The following SNX13 variants were observed in gnomAD, a reference collection of about 807,000 sequenced individuals.
SNX13 encodes the protein sorting nexin-13.
Under a neutral mutation model 133.6 loss-of-function variants are expected in SNX13, and 45 were observed. That is an observed-to-expected ratio of 0.34 (90% CI 0.27 to 0.43). The LOEUF (loss-of-function observed/expected upper bound fraction) is 0.43, where lower values mean the gene tolerates loss of function less well. Among genes scored for constraint, SNX13 ranks in the 20% least tolerant of loss-of-function variants. The pLI, the probability that SNX13 is intolerant of heterozygous loss-of-function variation, is 1.00. For missense variants in SNX13, 1,032 were observed against 1,145.1 expected (o/e 0.90, Z 1.43); for synonymous variants, 414 against 373.9 (o/e 1.11, Z -1.24).
In SNX13 at chr7:17,790,811, A is replaced by C. The variant is rs1386555949; in HGVS notation, c.*3234T>G. ...TTCTAATGGACAGAACACAAACCAAATAAATTTTTTAATCCTTTTAGTTGA... is the reference window on the plus strand; with the variant it reads ...TTCTAATGGACAGAACACAAACCAACTAAATTTTTTAATCCTTTTAGTTGA... On this transcript the variant is annotated 3_prime_UTR_variant, in exon 26 of 26. Transcript: ENST00000428135. 6.6e-6 allele frequency: 1 copy of C among 152,118 alleles called. No homozygotes were observed. The highest frequency in any genetic ancestry group is 1.5e-5 in the Non-Finnish European group (1 of 67,930). The allele number at this position is 152,118 out of a possible 1,614,324, so 9.4% of individuals were successfully genotyped here. A position where few individuals can be genotyped will look rare whatever the true frequency, so the allele number is the denominator to read the frequency against.
In SNX13 at chr7:17,860,271, T is replaced by C. The variant is rs1444799470; in HGVS notation, c.837+8136A>G. On this transcript the variant is annotated intron_variant, in intron 9 of 25. Coordinates refer to ENST00000428135, the MANE Select transcript of SNX13 (RefSeq NM_015132.5). ...GATGTTGCACATCTTTTCATATTAC[T>C]GTTGGCCATCTGTATAACTTCTGTG... 3.3e-5 allele frequency among the ~76,000 whole-genome samples: 5 copies of C among 152,368 alleles called. No individual in the cohort carries two copies. The South Asian group carries it at 1.0e-3, about 32-fold the overall frequency.
chr7:17,842,431 T>G (rs1360068288), intron 12 of SNX13, among the ~76,000 whole-genome samples: 3 of 151,966 alleles, frequency 2.0e-5, no homozygotes, highest in Non-Finnish European at 4.4e-5. Flanking sequence ...CATCTTACCA[T>G]AAGACCTGCC....
chr7:17,827,717 G>A (rs535055547), intron 16 of SNX13, among the ~76,000 whole-genome samples: 9 of 151,790 alleles, frequency 5.9e-5, no homozygotes, highest in Non-Finnish European at 1.2e-4. Context: ...GTAAAATGGG[G>A]CTAATACCTG....
Position 17,912,536 on chromosome 7 carries a change from G to A in SNX13, c.13-15090C>T, listed in dbSNP as rs12534750. Among the ~76,000 whole-genome samples the A allele has an allele frequency of 5.8e-3, 883 of 151,978 alleles. 1 individual carries two copies. Among genetic ancestry groups the A allele is most frequent in the Non-Finnish European group, 9.7e-3 (659 of 67,970 alleles). Reference sequence around the variant, plus strand: ...AGTGATTCTCCTGCCTCAGCCTCCTGAGTAGCTGGGATTACAGGCGCCCAC... The same window carrying A: ...AGTGATTCTCCTGCCTCAGCCTCCTAAGTAGCTGGGATTACAGGCGCCCAC... On this transcript the variant is annotated intron_variant, in intron 1 of 25. Transcript: ENST00000428135.
chr7:17,805,254 T>TGCGCACGCGCGCGC (rs1785124589), intron 20 of SNX13, among the ~76,000 whole-genome samples: 1 of 132,440 alleles, frequency 7.6e-6, no homozygotes, highest in Non-Finnish European at 1.6e-5. Flanking sequence ...TGTGTGTGCG[T>TGCGCACGCGCGCGC]GCGCGCGCGC....
At chr7:17,886,396 C>T (rs1010089743) in intron 5 of SNX13, among the ~76,000 whole-genome samples, 1 of 151,964 alleles carries the variant, frequency 6.6e-6, no homozygotes, top group Non-Finnish European at 1.5e-5. Context: ...GGTGAAACCC[C>T]GTCTCTACTA....
intron 9 of SNX13, among the ~76,000 whole-genome samples, chr7:17,864,344 C>A (rs1793100422): frequency 6.6e-6 from 1 of 152,002 alleles, no homozygotes; most frequent in Non-Finnish European, 1.5e-5. Flanking sequence ...AAATAATAAA[C>A]AAACTCTAGA....
At chr7:17,832,648 C>G (rs1381023685) in intron 15 of SNX13, 2 of 219,234 alleles carry the variant, frequency 9.1e-6, no homozygotes, top group African/African-American at 2.4e-5. Context: ...ATATATAGAA[C>G]AAACTAGAGG....
intron 6 of SNX13, 38 bp downstream of exon 6, chr7:17,875,631 T>C: frequency 6.2e-7 from 1 of 1,606,694 alleles, no homozygotes. Context: ...GAAAACAGAT[T>C]TTCAAATCCT....
At chr7:17,927,123 C>G (rs988013194) in intron 1 of SNX13, among the ~76,000 whole-genome samples, 1 of 151,360 alleles carries the variant, frequency 6.6e-6, no homozygotes, top group Non-Finnish European at 1.5e-5. Flanking sequence ...AAAATATAAA[C>G]TATGCTCTTG....
chr7:17,796,611 A>G (rs1431084601), intron 25 of SNX13: 1 of 472,886 alleles, frequency 2.1e-6, no homozygotes, highest in African/African-American at 1.9e-5. Flanking sequence ...GTTTCCTCAC[A>G]TATAAAGCGG....
At chr7:17,931,538 C>A (rs982224339) in intron 1 of SNX13, among the ~76,000 whole-genome samples, 2 of 152,182 alleles carry the variant, frequency 1.3e-5, no homozygotes, top group African/African-American at 4.8e-5. Flanking sequence ...ACAACTCTTT[C>A]CTATGCTAAG....
chr7:17,897,434 T>C lies in SNX13; in HGVS notation c.25A>G (p.Ile9Val), dbSNP rs1328309981. 1.3e-6 allele frequency: 2 copies of C among 1,576,884 alleles called. No individual in the cohort carries two copies. Among genetic ancestry groups the C allele is most frequent in the East Asian group, 2.3e-5 (1 of 43,962 alleles). ...ATGCCAAGGCTTCCCCATCCCCATA[T>C]GGATAGACTGGCCTGAAATACAGAA... Reference protein sequence around the residue: MLTEASLSIWGWGSLGIVL... With the variant: MLTEASLSVWGWGSLGIVL... Residue 9 changes from isoleucine to valine, a missense_variant, in exon 2 of 26, where the codon ATA (isoleucine) becomes GTA (valine). By Grantham distance (29) the Ile-to-Val change is conservative. Coordinates refer to ENST00000428135, the MANE Select transcript of SNX13 (RefSeq NM_015132.5).
At chr7:17,875,832 T>C (rs781396878) in intron 5 of SNX13, 42 bp from the exon 6 acceptor site, 1 of 1,455,156 alleles carries the variant, frequency 6.9e-7, no homozygotes, top group Admixed American at 2.2e-5. Flanking sequence ...TATAAATGCT[T>C]TATCAGAAAA....
At chr7:17,922,366 C>T (rs1800215731) in intron 1 of SNX13, among the ~76,000 whole-genome samples, 1 of 152,162 alleles carries the variant, frequency 6.6e-6, no homozygotes, top group African/African-American at 2.4e-5. Context: ...CCCAAGCCCC[C>T]ACTGCCCTCA....
At chr7:17,818,303 T>TA (rs1302176813) in intron 18 of SNX13, among the ~76,000 whole-genome samples, 4 of 152,028 alleles carry the variant, frequency 2.6e-5, no homozygotes, top group Non-Finnish European at 4.4e-5. Context: ...CACTATCCAT[T>TA]AAAACAACAA....
rs201830227 is a variant in SNX13, at chr7:17,799,100, C to T, written c.2353G>A (p.Asp785Asn). ...VMLLLMDEVF[D>N]LKERNQWLRR... ...AACCACTGATTTCTTTCTTTTAAGT[C>T]GAATACTTCATCCATGAGAAGCAGC... Residue 785 changes from aspartate to asparagine, a missense_variant, in exon 23 of 26, where the codon GAC becomes AAC. Physicochemically the swap from Asp to Asn is conservative, Grantham distance 23. Coordinates refer to ENST00000428135, the MANE Select transcript of SNX13 (RefSeq NM_015132.5). The T allele has an allele frequency of 1.4e-5, 23 of 1,609,998 alleles. No homozygotes were observed. The highest frequency in any genetic ancestry group is 6.6e-5 in the South Asian group (6 of 90,830).
intron 5 of SNX13, among the ~76,000 whole-genome samples, chr7:17,884,402 A>T (rs1795734583): frequency 6.6e-6 from 1 of 152,206 alleles, no homozygotes; most frequent in Non-Finnish European, 1.5e-5. Flanking sequence ...ATGACTTTTT[A>T]AAAAGTTAAT....
chr7:17,803,529 C>T lies in SNX13; in HGVS notation c.2116G>A (p.Ala706Thr). ...LRNSMRNVSN[A>T]VKSLPDSLAE... ...AAGCTATCAGGAAGGGATTTAACTG[C>T]ATTTGAAACATTCCTCATTGAATTG... Residue 706 changes from alanine to threonine, a missense_variant, in exon 21 of 26, where the codon GCA becomes ACA. Ala to Thr is a moderately conservative substitution (Grantham distance 58). Coordinates refer to ENST00000428135, the MANE Select transcript of SNX13 (RefSeq NM_015132.5). 1.2e-6 allele frequency: 2 copies of T among 1,611,616 alleles called. No homozygotes were observed. The highest frequency in any genetic ancestry group is 1.7e-6 in the Non-Finnish European group (2 of 1,178,912).
Sources: allele counts gnomAD v4.1 joint callset (sites outside exome capture counted in the v4.1 genomes callset), GRCh38; gene constraint gnomAD v4.1.1; transcripts MANE v1.5; gene names NCBI Gene and HGNC (gene_info 2026-07-23, HGNC 2026-07-21).